The following NAALADL2 variants were observed in gnomAD, a reference collection of about 807,000 sequenced individuals.
NAALADL2 encodes the protein inactive N-acetylated-alpha-linked acidic dipeptidase-like protein 2.
Under a neutral mutation model 87.2 loss-of-function variants are expected in NAALADL2, and 76 were observed. That is an observed-to-expected ratio of 0.87 (90% CI 0.72 to 1.05). The LOEUF is 1.05. Ranked by LOEUF, NAALADL2 falls within the 50% of genes least tolerant of loss-of-function variation. The pLI is 0.00. For missense variants in NAALADL2, 1,089 were observed against 945.8 expected (o/e 1.15, Z -1.99); for synonymous variants, 354 against 331.0 (o/e 1.07, Z -0.75).
rs889318501 is a variant in NAALADL2, at chr3:175,368,562, GGTGTGTGTGA to G, written c.1090+44247_1090+44256del. On this transcript the variant is annotated intron_variant, in intron 5 of 13. Transcript: ENST00000454872. ...TTTATACTTTGAAAGGACTGTAGCA[GGTGTGTGTGA>G]GTGTGTGTGTGTGTGTGTGTGTGTT... Among the ~76,000 whole-genome samples the G allele has an allele frequency of 3.5e-4, 51 of 147,140 alleles. No individual in the cohort carries two copies. In the East Asian group the frequency reaches 9.3e-3, roughly 27 times the overall value.
Position 175,670,885 on chromosome 3 carries a change from A to G in NAALADL2, c.1896+43499A>G, listed in dbSNP as rs562774057. Among the ~76,000 whole-genome samples, 8 of 151,662 alleles carry G rather than the reference A, an allele frequency of 5.3e-5. No individual in the cohort carries two copies. In the South Asian group the frequency reaches 1.7e-3, roughly 31 times the overall value. On this transcript the variant is annotated intron_variant, in intron 11 of 13. Coordinates refer to ENST00000454872, the MANE Select transcript of NAALADL2 (RefSeq NM_207015.3). ...AATTCAACTCAAACGAAAAATATTTAGGTCTACTGGAGAAGTTTAATTCAA... is the reference window on the plus strand; with the variant it reads ...AATTCAACTCAAACGAAAAATATTTGGGTCTACTGGAGAAGTTTAATTCAA...
At chr3:175,451,902 G>A (rs766983447) in intron 6 of NAALADL2, among the ~76,000 whole-genome samples, 7 of 151,768 alleles carry the variant, frequency 4.6e-5, no homozygotes, top group Non-Finnish European at 7.4e-5. Context: ...TAATTTTTAC[G>A]TATTTCTAAT....
chr3:175,545,790 G>T (rs1043408481), intron 9 of NAALADL2, among the ~76,000 whole-genome samples: 1 of 152,072 alleles, frequency 6.6e-6, no homozygotes, highest in African/African-American at 2.4e-5. Context: ...AATTCTGAAA[G>T]ATCTGCACAT....
At chr3:174,510,759 CT>C (rs1029485518) in intron 1 of NAALADL2, among the ~76,000 whole-genome samples, 11 of 150,928 alleles carry the variant, frequency 7.3e-5, no homozygotes, top group African/African-American at 2.7e-4. Flanking sequence ...AATTTTTTTA[CT>C]TTTTTTTAAC....
At chr3:175,080,613 C>G (rs982334653) in intron 1 of NAALADL2, among the ~76,000 whole-genome samples, 4 of 152,132 alleles carry the variant, frequency 2.6e-5, no homozygotes, top group Non-Finnish European at 4.4e-5. Flanking sequence ...ACATTATTGG[C>G]TATAGGAAAT....
At chr3:175,277,068 CAATATATTTT>C (rs1753708562) in intron 4 of NAALADL2, among the ~76,000 whole-genome samples, 1 of 152,000 alleles carries the variant, frequency 6.6e-6, no homozygotes, top group South Asian at 2.1e-4. Flanking sequence ...ATGTTGACGC[CAATATATTTT>C]AATATATTTA....
chr3:174,625,186 G>T (rs1448963773), intron 2 of NAALADL2, among the ~76,000 whole-genome samples: 2 of 150,554 alleles, frequency 1.3e-5, no homozygotes, highest in Admixed American at 1.3e-4. Flanking sequence ...AGCTTCCCAG[G>T]TAACTGGGAC....
At chr3:174,817,144 A>G (rs990293996) in intron 3 of NAALADL2, among the ~76,000 whole-genome samples, 8 of 152,212 alleles carry the variant, frequency 5.3e-5, no homozygotes, top group African/African-American at 1.9e-4. Context: ...GAAAATCAAC[A>G]CATTGAGTGA....
chr3:175,535,598 C>T (rs1734708410), intron 9 of NAALADL2, among the ~76,000 whole-genome samples: 1 of 152,152 alleles, frequency 6.6e-6, no homozygotes, highest in African/African-American at 2.4e-5. Context: ...TATTGAGTGT[C>T]CATCCATTTG....
intron 3 of NAALADL2, among the ~76,000 whole-genome samples, chr3:174,784,609 A>T (rs1169668926): frequency 2.0e-5 from 3 of 152,228 alleles, no homozygotes; most frequent in Admixed American, 2.0e-4. Flanking sequence ...CAGCATCAAC[A>T]TTGAAGTCGT....
At chr3:175,586,447 T>C (rs1431670699) in intron 10 of NAALADL2, among the ~76,000 whole-genome samples, 3 of 152,244 alleles carry the variant, frequency 2.0e-5, no homozygotes, top group African/African-American at 7.2e-5. Flanking sequence ...TTTGTTCCTG[T>C]GACTTTAAAT....
chr3:175,772,627 G>C (rs1277582979), intron 13 of NAALADL2, among the ~76,000 whole-genome samples: 1 of 152,140 alleles, frequency 6.6e-6, no homozygotes, highest in Non-Finnish European at 1.5e-5. Flanking sequence ...CTTCCTCATA[G>C]GTCTGGGGTC....
At chr3:175,735,925 G>A (rs562550683) in intron 11 of NAALADL2, among the ~76,000 whole-genome samples, 1 of 152,300 alleles carries the variant, frequency 6.6e-6, no homozygotes, top group South Asian at 2.1e-4. Flanking sequence ...AATTTCCCCT[G>A]TGTAGTTTCA....
chr3:175,428,399 A>G (rs1016377964), intron 5 of NAALADL2, among the ~76,000 whole-genome samples: 2 of 152,150 alleles, frequency 1.3e-5, no homozygotes, highest in African/African-American at 4.8e-5. Context: ...ATAACAAAAT[A>G]GTCACCGAAT....
intron 11 of NAALADL2, among the ~76,000 whole-genome samples, chr3:175,659,239 T>TA (rs1731927209): frequency 6.6e-6 from 1 of 152,230 alleles, no homozygotes; most frequent in Non-Finnish European, 1.5e-5. Flanking sequence ...TTAATATTGT[T>TA]ACGGCTTTAT....
intron 2 of NAALADL2, among the ~76,000 whole-genome samples, chr3:175,169,850 T>A (rs1264792311): frequency 6.6e-6 from 1 of 151,864 alleles, no homozygotes; most frequent in Non-Finnish European, 1.5e-5. Flanking sequence ...AAGTTTCTGA[T>A]ATAGCTTGCA....
At chr3:175,241,087 T>C (rs1477137544) in intron 3 of NAALADL2, among the ~76,000 whole-genome samples, 2 of 152,232 alleles carry the variant, frequency 1.3e-5, no homozygotes, top group East Asian at 1.9e-4. Flanking sequence ...TGAATGCAGC[T>C]GTTATTCATT....
chr3:175,657,584 T>A (rs144113564), intron 11 of NAALADL2, among the ~76,000 whole-genome samples: 2 of 151,538 alleles, frequency 1.3e-5, no homozygotes, highest in Non-Finnish European at 2.9e-5. Context: ...TTACTGTTTT[T>A]TTTTTTTTTC....
chr3:175,795,611 A>C lies in NAALADL2; in HGVS notation c.2190-7394A>C, dbSNP rs374743673. 2.6e-4 allele frequency among the ~76,000 whole-genome samples: 40 copies of C among 152,014 alleles called. 1 individual carries two copies. In the South Asian group the frequency reaches 7.9e-3, roughly 30 times the overall value. ...GGCAGGAGAATGGTGTGAACCTGGG[A>C]GGCGGAGCTTGCAGTGAGCAGAGAT... On this transcript the variant is annotated intron_variant, in intron 13 of 13. Coordinates refer to ENST00000454872, the MANE Select transcript of NAALADL2 (RefSeq NM_207015.3).
Sources: gnomAD v4.1 joint callset for allele counts (sites outside exome capture counted in the v4.1 genomes callset) on GRCh38, gnomAD v4.1.1 for gene constraint, MANE v1.5 for transcripts, NCBI Gene and HGNC (gene_info 2026-07-23, HGNC 2026-07-21) for gene names.